Variants in ABAT observed in about 807,000 individuals in gnomAD.
ABAT encodes the protein 4-aminobutyrate aminotransferase, also known as 4-aminobutyrate aminotransferase, mitochondrial.
Under a neutral mutation model 64.6 loss-of-function variants are expected in ABAT, and 45 were observed. The observed-to-expected ratio is 0.70, with a 90% confidence interval of 0.55 to 0.89. The LOEUF is 0.89. Among genes scored for constraint, ABAT ranks in the 40% least tolerant of loss-of-function variants. The pLI is 0.00. For synonymous variants in ABAT, 297 were observed against 250.5 expected, an observed-to-expected ratio of 1.19 and a Z score of -1.75; for missense variants, 633 against 658.4, an observed-to-expected ratio of 0.96 and a Z score of 0.42.
chr16:8,762,553 T>C (rs542404941), intron 6 of ABAT, among the ~76,000 whole-genome samples: 2 of 152,338 alleles, frequency 1.3e-5, no homozygotes, highest in African/African-American at 4.8e-5. Context: ...CTGCAAGGGT[T>C]TAGAAAGCTA....
chr16:8,686,958 T>G (rs138033328), intron 1 of ABAT, among the ~76,000 whole-genome samples: 182 of 152,258 alleles, frequency 1.2e-3, no homozygotes, highest in African/African-American at 4.2e-3. Context: ...AGGCCAACCT[T>G]GTTTGTACTC....
In ABAT at chr16:8,772,803, T is replaced by C. The variant is rs1596470323; in HGVS notation, c.840T>C (p.Tyr280=). 4.3e-6 allele frequency: 7 copies of C among 1,613,912 alleles called. No homozygotes were observed. Among genetic ancestry groups the C allele is most frequent in the Non-Finnish European group, 5.9e-6 (7 of 1,180,024 alleles). Residue 280 remains tyrosine, a synonymous_variant, in exon 12 of 16, where the codon TAT becomes TAC. Transcript: ENST00000268251. ...LEEVEDLIVK[Y]RKKKKTVAGI... is the part of the protein sequence containing the mutation. Reference sequence around the variant, plus strand: ...AGGTGGAGGATCTGATTGTGAAATATCGGAAAAAGAAGAAGACGGTGGCCG... The same window carrying C: ...AGGTGGAGGATCTGATTGTGAAATACCGGAAAAAGAAGAAGACGGTGGCCG...
In ABAT at chr16:8,709,826, C is replaced by CT. The variant is rs35255805; in HGVS notation, c.-41-25860dup. On this transcript the variant is annotated intron_variant, in intron 1 of 15. Coordinates refer to ENST00000268251, the MANE Select transcript of ABAT (RefSeq NM_020686.6). ...GTATGCTATTAGAGCAGTCAGTTAA[C>CT]TTTTTTTTTTTTTGAGACAGGCTCT... is the stretch of plus-strand genomic sequence containing the variant. Among the ~76,000 whole-genome samples, 396 of 145,890 alleles carry CT rather than the reference C, an allele frequency of 2.7e-3. 1 individual carries two copies. Among genetic ancestry groups the CT allele is most frequent in the African/African-American group, 4.6e-3 (181 of 39,516 alleles).
chr16:8,738,013 AAAG>A (rs1375149109), intron 2 of ABAT, among the ~76,000 whole-genome samples: 2 of 111,952 alleles, frequency 1.8e-5, no homozygotes, highest in African/African-American at 3.9e-5. Context: ...AGAAAGAAAG[AAAG>A]GAAAGAAAGA....
intron 2 of ABAT, among the ~76,000 whole-genome samples, chr16:8,739,764 ACAG>A (rs796333416): frequency 7.7e-4 from 27 of 35,266 alleles, no homozygotes; most frequent in Admixed American, 1.6e-3. Context: ...AAACAAAAAA[ACAG>A]AAAAAATAGA....
chr16:8,769,450 T>C (rs1403760055), intron 11 of ABAT, among the ~76,000 whole-genome samples: 1 of 148,786 alleles, frequency 6.7e-6, no homozygotes, highest in Non-Finnish European at 1.5e-5. Context: ...TCCCAGCTAC[T>C]AGGGAGGCTG....
chr16:8,705,785 T>C (rs2057927028), intron 1 of ABAT, among the ~76,000 whole-genome samples: 1 of 144,374 alleles, frequency 6.9e-6, no homozygotes. Flanking sequence ...CTAATGCACA[T>C]CCTCAGTTTC....
At chr16:8,780,184 G>C (rs372882842) in intron 15 of ABAT, among the ~76,000 whole-genome samples, 2 of 152,212 alleles carry the variant, frequency 1.3e-5, no homozygotes, top group Middle Eastern at 3.4e-3. Flanking sequence ...GCGTGAAGGC[G>C]AACGGTTGGG....
intron 5 of ABAT, among the ~76,000 whole-genome samples, chr16:8,756,863 A>G (rs79390594): frequency 0.047 from 7,101 of 152,294 alleles, 242 homozygotes; most frequent in Middle Eastern, 0.16. Flanking sequence ...AATTCATAGA[A>G]GAGCAATTGC....
chr16:8,697,589 C>T (rs937466799), intron 1 of ABAT, among the ~76,000 whole-genome samples: 2 of 152,126 alleles, frequency 1.3e-5, no homozygotes, highest in East Asian at 1.9e-4. Flanking sequence ...TTTGAAACTC[C>T]CTTTCCTCCT....
At chr16:8,780,881 C>T in intron 15 of ABAT, 2 of 426,710 alleles carry the variant, frequency 4.7e-6, no homozygotes, top group South Asian at 4.5e-5. Flanking sequence ...AGCTCAGCAC[C>T]TCACACATGC....
intron 1 of ABAT, among the ~76,000 whole-genome samples, chr16:8,679,866 G>C (rs1472061266): frequency 1.3e-5 from 2 of 151,988 alleles, no homozygotes; most frequent in Non-Finnish European, 2.9e-5. Flanking sequence ...ATTCTGAGGG[G>C]GTCTGTGCTA....
intron 5 of ABAT, among the ~76,000 whole-genome samples, chr16:8,756,611 G>C (rs1488816920): frequency 2.6e-5 from 4 of 152,276 alleles, no homozygotes; most frequent in African/African-American, 7.2e-5. Flanking sequence ...GAGATACTCA[G>C]TGCGTGCGTA....
At chr16:8,767,778 C>G (rs1016205499) in intron 9 of ABAT, among the ~76,000 whole-genome samples, 1 of 152,090 alleles carries the variant, frequency 6.6e-6, no homozygotes, top group African/African-American at 2.4e-5. Context: ...CGGGTTCAAG[C>G]GATTCTCCTG....
chr16:8,772,692 A>G lies in ABAT; in HGVS notation c.817-88A>G, dbSNP rs1165185280. On this transcript the variant is annotated intron_variant, in intron 11 of 15. Coordinates refer to ENST00000268251, the MANE Select transcript of ABAT (RefSeq NM_020686.6). ...ACAAACACATTTCCAATAAAATTGC[A>G]TGGGGCTCATCGAACCCCAGATTCC... is the stretch of plus-strand genomic sequence containing the variant. 3.2e-6 allele frequency: 5 copies of G among 1,541,808 alleles called. No homozygotes were observed. In the East Asian group the frequency reaches 1.1e-4, roughly 35 times the overall value.
intron 1 of ABAT, among the ~76,000 whole-genome samples, chr16:8,719,926 C>T (rs1367243743): frequency 6.6e-6 from 1 of 152,224 alleles, no homozygotes; most frequent in Non-Finnish European, 1.5e-5. Context: ...ATTCTCCTGC[C>T]TCAGCCTCCC....
chr16:8,774,687 C>T (rs975139770), intron 12 of ABAT, among the ~76,000 whole-genome samples: 11 of 152,140 alleles, frequency 7.2e-5, no homozygotes, highest in African/African-American at 2.7e-4. Flanking sequence ...CACTCAGATT[C>T]AGCTCTGGTT....
intron 11 of ABAT, among the ~76,000 whole-genome samples, chr16:8,769,834 G>GA (rs977727776): frequency 1.2e-4 from 19 of 152,154 alleles, no homozygotes; most frequent in Non-Finnish European, 2.4e-4. Flanking sequence ...TCTGCAGCTG[G>GA]AAAAAAATAT....
Position 8,776,373 on chromosome 16 carries a change from GGA to G in ABAT, c.1153_1154del (p.Asp385ProfsTer9). The G allele has an allele frequency of 6.2e-7, 1 of 1,614,206 alleles. No homozygotes were observed. Among genetic ancestry groups the G allele is most frequent in the Non-Finnish European group, 8.5e-7 (1 of 1,180,042 alleles). On this transcript the variant is annotated frameshift_variant, in exon 14 of 16. Coordinates refer to ENST00000268251, the MANE Select transcript of ABAT (RefSeq NM_020686.6). LOFTEE classifies it high-confidence loss of function. The surrounding 1 kb of genome is among the most constrained non-coding windows in gnomAD (Gnocchi z 4.4). ...ACCGGATCTTCAACACCTGGCTGGG[GGA>G]CCCGTCCAAGAACCTGTTGCTGGCT... is the stretch of plus-strand genomic sequence containing the variant. ...PYRIFNTWLG[D>X]PSKNLLLAEV... is the part of the protein sequence containing the mutation.
Sources: allele counts gnomAD v4.1 joint callset (sites outside exome capture counted in the v4.1 genomes callset), GRCh38; gene constraint gnomAD v4.1.1; non-coding constraint Gnocchi (gnomAD v3.1); transcripts MANE v1.5; gene names NCBI Gene and HGNC (gene_info 2026-07-23, HGNC 2026-07-21).